Variants in ROBO1 observed in about 807,000 individuals in gnomAD.
The protein encoded by ROBO1 is roundabout homolog 1.
In ROBO1, 149 loss-of-function variants were observed where a neutral mutation model predicts 195.9. That is an observed-to-expected ratio of 0.76 (90% CI 0.67 to 0.87). The LOEUF (loss-of-function observed/expected upper bound fraction) is 0.87. ROBO1 is among the 40% of genes least tolerant of loss of function. The pLI is 0.00. For missense variants in ROBO1, 1,933 were observed against 2,068.3 expected (o/e 0.93, Z 1.27); for synonymous variants, 816 against 733.2 (o/e 1.11, Z -1.82).
intron 2 of ROBO1, among the ~76,000 whole-genome samples, chr3:79,265,864 C>T (rs1301651435): frequency 6.6e-6 from 1 of 150,898 alleles, no homozygotes; most frequent in Non-Finnish European, 1.5e-5. Context: ...TGTTATACGA[C>T]CCAATGGTAT....
intron 2 of ROBO1, among the ~76,000 whole-genome samples, chr3:79,362,503 A>G (rs750499616): frequency 1.3e-5 from 2 of 152,188 alleles, no homozygotes; most frequent in Non-Finnish European, 2.9e-5. Context: ...AAATAATACA[A>G]GATTGAAAAG....
At chr3:79,226,072 C>G (rs753951077) in intron 2 of ROBO1, among the ~76,000 whole-genome samples, 4 of 152,160 alleles carry the variant, frequency 2.6e-5, no homozygotes, top group Admixed American at 6.5e-5. Flanking sequence ...ATTTTTTTAA[C>G]CTCATATGAA....
chr3:78,701,263 T>A (rs1181016941), intron 8 of ROBO1, among the ~76,000 whole-genome samples: 1 of 152,240 alleles, frequency 6.6e-6, no homozygotes, highest in Non-Finnish European at 1.5e-5. Flanking sequence ...TGAACATAGA[T>A]GCATAATTAC....
Position 79,730,106 on chromosome 3 carries a change from A to G in ROBO1, c.-51+37646T>C, listed in dbSNP as rs940224220. Among the ~76,000 whole-genome samples, 7 of 152,144 alleles carry G rather than the reference A, an allele frequency of 4.6e-5. No homozygotes were observed. The East Asian group carries it at 1.3e-3, about 29-fold the overall frequency. Reference sequence around the variant, plus strand: ...AAGTTAACATTTTGTTTCTTCATCTACTAGGTGCTAAGGATCTTTCCCTAA... The same window carrying G: ...AAGTTAACATTTTGTTTCTTCATCTGCTAGGTGCTAAGGATCTTTCCCTAA... On this transcript the variant is annotated intron_variant, in intron 1 of 30. Coordinates refer to ENST00000464233, the MANE Select transcript of ROBO1 (RefSeq NM_002941.4).
At chr3:78,697,143 A>G (rs2081318260) in intron 8 of ROBO1, among the ~76,000 whole-genome samples, 1 of 151,756 alleles carries the variant, frequency 6.6e-6, no homozygotes. Flanking sequence ...TAAATTACTT[A>G]TTTGTTTTGA....
At chr3:79,340,810 T>G (rs1057111754) in intron 2 of ROBO1, among the ~76,000 whole-genome samples, 3 of 152,176 alleles carry the variant, frequency 2.0e-5, no homozygotes, top group Non-Finnish European at 4.4e-5. Context: ...AAGAAATATA[T>G]TGAAGGTTGG....
chr3:79,751,343 T>C (rs1404104976), intron 1 of ROBO1, among the ~76,000 whole-genome samples: 1 of 152,154 alleles, frequency 6.6e-6, no homozygotes, highest in African/African-American at 2.4e-5. Context: ...AAATGTATTA[T>C]TAATTGCAAA....
intron 2 of ROBO1, among the ~76,000 whole-genome samples, chr3:79,390,218 C>T (rs961207682): frequency 2.6e-5 from 4 of 151,828 alleles, no homozygotes; most frequent in African/African-American, 7.3e-5. Flanking sequence ...ATATTTTATA[C>T]GGTCTGTGTA....
chr3:79,752,131 G>C (rs1704154648), intron 1 of ROBO1, among the ~76,000 whole-genome samples: 2 of 152,072 alleles, frequency 1.3e-5, no homozygotes, highest in African/African-American at 4.8e-5. Flanking sequence ...GAAGCAACAG[G>C]GGAAAGCTAC....
intron 4 of ROBO1, among the ~76,000 whole-genome samples, chr3:78,820,356 A>ATTTT (rs2030759449): frequency 1.3e-5 from 2 of 152,124 alleles, no homozygotes; most frequent in African/African-American, 4.8e-5. Context: ...TATTATCTAC[A>ATTTT]TTTACAGCCA....
intron 1 of ROBO1, among the ~76,000 whole-genome samples, chr3:79,633,595 A>G (rs1026136102): frequency 6.6e-6 from 1 of 151,912 alleles, no homozygotes; most frequent in African/African-American, 2.4e-5. Context: ...ATCATTAGAA[A>G]CCTAGAGTGA....
At chr3:78,806,868 CATG>C (rs1446031216) in intron 4 of ROBO1, among the ~76,000 whole-genome samples, 1 of 151,920 alleles carries the variant, frequency 6.6e-6, no homozygotes, top group Non-Finnish European at 1.5e-5. Flanking sequence ...AATGCAGTAG[CATG>C]ATCTCAGCTC....
intron 2 of ROBO1, among the ~76,000 whole-genome samples, chr3:79,510,188 T>C (rs1296144947): frequency 6.6e-6 from 1 of 152,172 alleles, no homozygotes; most frequent in Non-Finnish European, 1.5e-5. Flanking sequence ...AATCCCCACG[T>C]CATGGGAGGC....
At chr3:79,157,939 G>C (rs1358306842) in intron 2 of ROBO1, among the ~76,000 whole-genome samples, 1 of 151,704 alleles carries the variant, frequency 6.6e-6, no homozygotes. Flanking sequence ...TTTTTATAGT[G>C]GTCCATCATA....
intron 2 of ROBO1, among the ~76,000 whole-genome samples, chr3:79,361,593 C>T (rs1443124591): frequency 6.6e-6 from 1 of 151,908 alleles, no homozygotes; most frequent in Non-Finnish European, 1.5e-5. Flanking sequence ...TTGGCAAGGA[C>T]GAAAATTTTA....
rs886775824 is a variant in ROBO1 at position 79,266,478 on chromosome 3, T to C, written c.89-140939A>G. Among the ~76,000 whole-genome samples the C allele has an allele frequency of 4.6e-5, 7 of 151,520 alleles. No homozygotes were observed. The South Asian group carries it at 1.0e-3, about 22-fold the overall frequency. On this transcript the variant is annotated intron_variant, in intron 2 of 30. Transcript: ENST00000464233. ...TACAGAATACTGACCTGTGGATCTATTTTCTTCTCTCTGTGTGGTGGTTGC... is the reference window on the plus strand; with the variant it reads ...TACAGAATACTGACCTGTGGATCTACTTTCTTCTCTCTGTGTGGTGGTTGC...
intron 3 of ROBO1, among the ~76,000 whole-genome samples, chr3:78,966,504 G>A (rs2076648807): frequency 6.6e-6 from 1 of 152,204 alleles, no homozygotes; most frequent in Non-Finnish European, 1.5e-5. Context: ...ATCTCTTAGT[G>A]ATGTAATTTA....
intron 2 of ROBO1, among the ~76,000 whole-genome samples, chr3:79,542,749 G>T (rs950054337): frequency 6.6e-6 from 1 of 152,044 alleles, no homozygotes; most frequent in Non-Finnish European, 1.5e-5. Context: ...AAGCGGTTGA[G>T]CCAAGAGTTA....
intron 2 of ROBO1, among the ~76,000 whole-genome samples, chr3:79,294,709 G>A (rs993213952): frequency 1.7e-4 from 26 of 152,006 alleles, no homozygotes; most frequent in African/African-American, 5.8e-4. Flanking sequence ...ATCTCACAAA[G>A]GGCTAATATC....
Sources: gnomAD v4.1 joint callset for allele counts (sites outside exome capture counted in the v4.1 genomes callset) on GRCh38, gnomAD v4.1.1 for gene constraint, MANE v1.5 for transcripts, NCBI Gene and HGNC (gene_info 2026-07-23, HGNC 2026-07-21) for gene names.